Variants in CDH19 observed in about 807,000 individuals in gnomAD.
CDH19 encodes the protein cadherin 19, also known as cadherin-19.
In CDH19, 67 loss-of-function variants were observed where a neutral mutation model predicts 64.2. The observed-to-expected ratio is 1.04, with a 90% CI of 0.86 to 1.28. CDH19 has a LOEUF of 1.28. Ranked by LOEUF, CDH19 falls within the 50% of genes most tolerant of loss-of-function variation. The pLI, the probability that CDH19 is intolerant of heterozygous loss-of-function variation, is 0.00. For missense variants in CDH19, 1,030 were observed against 929.0 expected (o/e 1.11, Z -1.41); for synonymous variants, 346 against 319.3 (o/e 1.08, Z -0.89).
intron 3 of CDH19, among the ~76,000 whole-genome samples, chr18:66,555,274 T>C (rs550997163): frequency 2.0e-5 from 3 of 151,842 alleles, no homozygotes; most frequent in Non-Finnish European, 2.9e-5. Flanking sequence ...TTATTTGAAA[T>C]ATGTATTTGT....
intron 2 of CDH19, among the ~76,000 whole-genome samples, chr18:66,570,433 T>C (rs965325059): frequency 6.6e-6 from 1 of 151,676 alleles, no homozygotes; most frequent in Non-Finnish European, 1.5e-5. Flanking sequence ...ATATTTTTAT[T>C]CAAAAAATAT....
chr18:66,587,436 A>C (rs17738107), intron 1 of CDH19, among the ~76,000 whole-genome samples: 51,517 of 151,970 alleles, frequency 0.34, 10,171 homozygotes, highest in Non-Finnish European at 0.45. Context: ...CTGTCCCTAA[A>C]TTCTGAATGA....
In CDH19 at chr18:66,568,455, C is replaced by G. The variant is rs146410943; in HGVS notation, c.451G>C (p.Glu151Gln). The change falls in exon 3 of 12, where the codon GAA becomes CAA. Residue 151 changes from glutamate (E) to glutamine (Q), a missense_variant. Transcript: ENST00000262150. Reference protein sequence around the residue: ...INDNEPKFLDEPYEAIVPEMS... With the variant: ...INDNEPKFLDQPYEAIVPEMS... ...TCTGGTACAATGGCCTCATAAGGTT[C>G]ATCTAGGAATTTTGGTTCATTGTCA... The G allele has an allele frequency of 3.0e-4, 481 of 1,611,852 alleles. 4 individuals carry two copies. The African/African-American group carries it at 5.4e-3, about 18-fold the overall frequency.
At chr18:66,534,331 C>G (rs1019528920) in intron 8 of CDH19, among the ~76,000 whole-genome samples, 1 of 151,782 alleles carries the variant, frequency 6.6e-6, no homozygotes, top group Non-Finnish European at 1.5e-5. Flanking sequence ...AAATAATATG[C>G]GGAGATGCCT....
chr18:66,591,660 A>T (rs1599041793), intron 1 of CDH19, among the ~76,000 whole-genome samples: 1 of 152,012 alleles, frequency 6.6e-6, no homozygotes, highest in Non-Finnish European at 1.5e-5. Flanking sequence ...ACGTCCGAAT[A>T]TAGATTTTGA....
intron 3 of CDH19, among the ~76,000 whole-genome samples, chr18:66,560,874 T>C (rs1043318905): frequency 2.0e-5 from 3 of 152,068 alleles, no homozygotes; most frequent in Admixed American, 1.3e-4. Context: ...TCTTACTCCA[T>C]TGGTGGATCA....
intron 1 of CDH19, among the ~76,000 whole-genome samples, chr18:66,600,481 T>C (rs1989010829): frequency 1.3e-5 from 2 of 151,938 alleles, no homozygotes; most frequent in African/African-American, 4.8e-5. Flanking sequence ...AAAAATCATA[T>C]TTGTGAGTTA....
At chr18:66,514,732 C>CT (rs1440481378) in intron 9 of CDH19, among the ~76,000 whole-genome samples, 2 of 151,462 alleles carry the variant, frequency 1.3e-5, no homozygotes, top group Admixed American at 6.6e-5. Flanking sequence ...TGCACTATGT[C>CT]TTTTTTTAAG....
In CDH19 at chr18:66,504,894, C is replaced by T. The variant is rs770730409; in HGVS notation, c.2237G>A (p.Ser746Asn). 1 of 1,613,438 alleles carries T rather than the reference C, an allele frequency of 6.2e-7. No homozygotes were observed. Among genetic ancestry groups the T allele is most frequent in the Non-Finnish European group, 8.5e-7 (1 of 1,179,670 alleles). ...LESAVSDQDESYDYLNELGPR... is the reference protein window; with the variant it reads ...LESAVSDQDENYDYLNELGPR... ...TCCCAACTCATTAAGGTAATCATAGCTTTCATCCTGATCAGAGACTGCTGA... is the reference window on the plus strand; with the variant it reads ...TCCCAACTCATTAAGGTAATCATAGTTTTCATCCTGATCAGAGACTGCTGA... Residue 746 changes from serine to asparagine, a missense_variant, in exon 12 of 12, where the codon AGC becomes AAC. Coordinates refer to ENST00000262150, the MANE Select transcript of CDH19 (RefSeq NM_021153.4).
At chr18:66,520,215 T>C (rs1186003939) in intron 9 of CDH19, among the ~76,000 whole-genome samples, 1 of 151,402 alleles carries the variant, frequency 6.6e-6, no homozygotes, top group Non-Finnish European at 1.5e-5. Flanking sequence ...AACAAAAAAG[T>C]GAGAAACGTG....
chr18:66,603,123 GC>G (rs1989077863), intron 1 of CDH19, among the ~76,000 whole-genome samples: 1 of 150,202 alleles, frequency 6.7e-6, no homozygotes, highest in Admixed American at 6.6e-5. Flanking sequence ...GAAAACCTTT[GC>G]CACTCTATTT....
At chr18:66,521,345 A>G (rs1374717269) in intron 9 of CDH19, among the ~76,000 whole-genome samples, 1 of 152,114 alleles carries the variant, frequency 6.6e-6, no homozygotes, top group African/African-American at 2.4e-5. Flanking sequence ...TGGCAAAGTC[A>G]CCCACGGTAT....
intron 9 of CDH19, among the ~76,000 whole-genome samples, chr18:66,518,160 C>A (rs558270640): frequency 6.6e-6 from 1 of 151,810 alleles, no homozygotes; most frequent in East Asian, 1.9e-4. Flanking sequence ...CATTATTATA[C>A]GTATTATGTG....
intron 5 of CDH19, among the ~76,000 whole-genome samples, chr18:66,548,783 C>T (rs968668893): frequency 6.6e-6 from 1 of 152,118 alleles, no homozygotes; most frequent in Non-Finnish European, 1.5e-5. Flanking sequence ...AATAAATCTT[C>T]TCTAAAGAGA....
chr18:66,558,026 C>G (rs907635029), intron 3 of CDH19, among the ~76,000 whole-genome samples: 1 of 151,564 alleles, frequency 6.6e-6, no homozygotes, highest in Non-Finnish European at 1.5e-5. Flanking sequence ...GCGTTTGCTC[C>G]TTATTAGTGC....
chr18:66,531,370 G>A (rs143363488), intron 8 of CDH19, among the ~76,000 whole-genome samples: 13 of 152,198 alleles, frequency 8.5e-5, no homozygotes, highest in East Asian at 3.9e-4. Flanking sequence ...AAATCCCAGC[G>A]CTTTGGAAGG....
intron 3 of CDH19, among the ~76,000 whole-genome samples, chr18:66,566,023 T>A (rs1987896961): frequency 6.6e-6 from 1 of 151,928 alleles, no homozygotes; most frequent in Non-Finnish European, 1.5e-5. Context: ...TCTTTTGCAA[T>A]CTCTCTGAAC....
chr18:66,558,264 G>C (rs971139813), intron 3 of CDH19, among the ~76,000 whole-genome samples: 2 of 150,710 alleles, frequency 1.3e-5, no homozygotes, highest in Non-Finnish European at 3.0e-5. Flanking sequence ...TTTTATTCAT[G>C]CCTTGGAAAT....
intron 1 of CDH19, among the ~76,000 whole-genome samples, chr18:66,587,980 TACA>T (rs1403662674): frequency 6.6e-6 from 1 of 152,210 alleles, no homozygotes; most frequent in Admixed American, 6.6e-5. Context: ...GGTGAGCTTG[TACA>T]ACAACTCCTC....
Sources: allele counts gnomAD v4.1 joint callset (sites outside exome capture counted in the v4.1 genomes callset), GRCh38; gene constraint gnomAD v4.1.1; transcripts MANE v1.5; gene names NCBI Gene and HGNC (gene_info 2026-07-23, HGNC 2026-07-21).